Variants in ADAMTS20 observed in about 807,000 individuals in gnomAD.
ADAMTS20 encodes ADAM metallopeptidase with thrombospondin type 1 motif 20.
ADAMTS20 carries 225 observed loss-of-function variants against 260.1 expected under a neutral mutation model. The ratio of observed to expected loss-of-function variants is 0.87; its 90% confidence interval spans 0.78 to 0.97. The LOEUF is 0.97. Among genes scored for constraint, ADAMTS20 ranks in the 50% least tolerant of loss-of-function variants. ADAMTS20 has a pLI of 0.00. For synonymous variants in ADAMTS20, 802 were observed against 769.5 expected (o/e 1.04, Z -0.70); for missense variants, 2,400 against 2,337.7 (o/e 1.03, Z -0.55).
chr12:43,375,624 T>C (rs985867030), intron 35 of ADAMTS20, 112 bp from the exon 36 acceptor site: 16 of 1,205,020 alleles, frequency 1.3e-5, no homozygotes, highest in Non-Finnish European at 1.8e-5. Context: ...TATTATAGTG[T>C]CAACAAGTTA....
At chr12:43,539,306 T>C (rs1256072182) in intron 2 of ADAMTS20, among the ~76,000 whole-genome samples, 3 of 152,172 alleles carry the variant, frequency 2.0e-5, no homozygotes, top group African/African-American at 4.8e-5. Context: ...GATATAGTTA[T>C]ATGACGGTTT....
intron 28 of ADAMTS20, among the ~76,000 whole-genome samples, chr12:43,420,373 A>G (rs1941203121): frequency 6.6e-6 from 1 of 152,254 alleles, no homozygotes; most frequent in Non-Finnish European, 1.5e-5. Flanking sequence ...AGTAGAAAAC[A>G]TAATAAATGG....
rs1406248574 is a variant in ADAMTS20 at position 43,510,152 on chromosome 12, A to G, written c.614-7747T>C. 2.6e-5 allele frequency among the ~76,000 whole-genome samples: 4 copies of G among 152,128 alleles called. No individual in the cohort carries two copies. In the East Asian group the frequency reaches 7.7e-4, roughly 29 times the overall value. On this transcript the variant is annotated intron_variant, in intron 3 of 38. Transcript: ENST00000389420. ...GGATGTCCAGAATGCATTTTTAAGT[A>G]AAAATATAAATGGTGTGTGTAGTTT...
At chr12:43,527,797 T>C (rs1943163630) in intron 3 of ADAMTS20, among the ~76,000 whole-genome samples, 1 of 152,084 alleles carries the variant, frequency 6.6e-6, no homozygotes, top group Non-Finnish European at 1.5e-5. Flanking sequence ...AGGCCCACTT[T>C]TACCACTTCT....
chr12:43,377,874 C>T (rs1940265381), intron 31 of ADAMTS20, among the ~76,000 whole-genome samples: 1 of 151,966 alleles, frequency 6.6e-6, no homozygotes, highest in South Asian at 2.1e-4. Flanking sequence ...ATAGGCACAG[C>T]ATTGGAGGAA....
intron 23 of ADAMTS20, among the ~76,000 whole-genome samples, chr12:43,430,144 A>G (rs1170542133): frequency 1.9e-5 from 2 of 106,898 alleles, no homozygotes; most frequent in Non-Finnish European, 4.1e-5. Flanking sequence ...GATAAAGAGT[A>G]AAAAAAAAAA....
intron 28 of ADAMTS20, among the ~76,000 whole-genome samples, chr12:43,409,429 C>T (rs1250082905): frequency 2.7e-5 from 4 of 150,530 alleles, no homozygotes; most frequent in Admixed American, 6.6e-5. Context: ...GGTGAAACCT[C>T]GTCTCTACTA....
At position 43,375,443 on chromosome 12, in the gene ADAMTS20, G is replaced by A. The variant is rs1565670594; in HGVS notation, c.5382C>T (p.His1794=). The part of the protein sequence containing the change: ...RREDCECDNG[H]LAAGYTVFSK... ...TGAAAACAGTGTATCCAGCAGCTAAGTGTCCATTGTCACATTCACAGTCTT... is the reference window on the plus strand; with the variant it reads ...TGAAAACAGTGTATCCAGCAGCTAAATGTCCATTGTCACATTCACAGTCTT... The change falls in exon 36 of 39, where the codon CAC becomes CAT. Residue 1794 remains histidine, a synonymous_variant. Transcript: ENST00000389420. 4 of 1,613,488 alleles carry A rather than the reference G, an allele frequency of 2.5e-6. No individual in the cohort carries two copies. Among genetic ancestry groups the A allele is most frequent in the Non-Finnish European group, 3.4e-6 (4 of 1,179,520 alleles).
At chr12:43,495,945 A>T (rs12427280) in intron 4 of ADAMTS20, among the ~76,000 whole-genome samples, 31,023 of 152,064 alleles carry the variant, frequency 0.2, 3,453 homozygotes, top group South Asian at 0.33. Context: ...AACTATATTT[A>T]GATGTTTAAA....
chr12:43,420,239 T>A (rs1415818600), intron 28 of ADAMTS20, among the ~76,000 whole-genome samples: 1 of 152,220 alleles, frequency 6.6e-6, no homozygotes, highest in African/African-American at 2.4e-5. Context: ...ATTACATTCA[T>A]TGCTAAACTG....
At chr12:43,430,569 A>G in intron 22 of ADAMTS20, 98 bp from the exon 23 acceptor site, 1 of 1,143,388 alleles carries the variant, frequency 8.7e-7, no homozygotes, top group Non-Finnish European at 1.2e-6. Context: ...TATACTTTTA[A>G]TAATCTTTTT....
intron 4 of ADAMTS20, 23 bp downstream of exon 4, chr12:43,502,129 A>G: frequency 6.6e-7 from 1 of 1,515,518 alleles, no homozygotes; most frequent in East Asian, 2.4e-5. Flanking sequence ...AGGAAATATA[A>G]AAGTCATATT....
In ADAMTS20 at chr12:43,428,487, T is replaced by G; in HGVS notation, c.3699A>C (p.Leu1233Phe). ...CGHGKTTRQV[L>F]CMNYHQPIDE... The stretch of plus-strand genomic sequence containing the variant: ...CAATTGGCTGATGGTAGTTCATGCA[T>G]AAAACTTGTCGAGTTGTTTTTCCAT... The change falls in exon 26 of 39, where the codon TTA (leucine) becomes TTC (phenylalanine). Residue 1233 changes from leucine to phenylalanine, a missense_variant. Leu to Phe is a conservative substitution (Grantham distance 22). Transcript: ENST00000389420. 6.2e-7 allele frequency: 1 copy of G among 1,613,902 alleles called. No individual in the cohort carries two copies. Among genetic ancestry groups the G allele is most frequent in the Non-Finnish European group, 8.5e-7 (1 of 1,179,832 alleles).
rs548252346 is a variant in ADAMTS20 at position 43,428,337 on chromosome 12, C to T, written c.3849G>A (p.Thr1283=). 6.3e-5 allele frequency: 101 copies of T among 1,613,924 alleles called. No homozygotes were observed. The Admixed American group carries it at 1.1e-3, about 18-fold the overall frequency. The stretch of plus-strand genomic sequence containing the variant: ...CAAGTTTTTGAGTTAATGGCAAATT[C>T]GTGCTTAGATAATAGCTTGGCTGCA... ...SPVQPSYYLS[T]NLPLTQKLED... Residue 1283 remains threonine (T), a synonymous_variant, in exon 26 of 39, where the codon ACG becomes ACA. Coordinates refer to ENST00000389420, the MANE Select transcript of ADAMTS20 (RefSeq NM_025003.5).
chr12:43,376,455 CA>C, intron 33 of ADAMTS20, 68 bp downstream of exon 33: 1 of 1,519,266 alleles, frequency 6.6e-7, no homozygotes, highest in Non-Finnish European at 8.9e-7. Context: ...GAAACTACTA[CA>C]GATATTTATT....
At chr12:43,476,931 C>T (rs113448580) in intron 7 of ADAMTS20, among the ~76,000 whole-genome samples, 3 of 145,864 alleles carry the variant, frequency 2.1e-5, no homozygotes, top group African/African-American at 7.7e-5. Context: ...ACCAGCATGG[C>T]ACATGTATAC....
Position 43,453,987 on chromosome 12 carries a change from T to G in ADAMTS20, c.1680A>C (p.Gly560=). ...AACAAGAACTGTAAGGTTCCCATGG[T>G]CCCCATTCACCATTTACAGGACGTG... ...TETRPVNGEW[G]PWEPYSSCSR... is the part of the protein sequence containing the mutation. Residue 560 remains glycine (G), a synonymous_variant, in exon 12 of 39, where the codon GGA becomes GGC. Transcript: ENST00000389420. 6.2e-7 allele frequency: 1 copy of G among 1,613,730 alleles called. No individual in the cohort carries two copies. The highest frequency in any genetic ancestry group is 8.5e-7 in the Non-Finnish European group (1 of 1,179,788).
intron 4 of ADAMTS20, among the ~76,000 whole-genome samples, chr12:43,501,055 C>CTTT (rs79075751): frequency 0.016 from 1,719 of 104,756 alleles, 115 homozygotes; most frequent in African/African-American, 0.057. Flanking sequence ...CTATGTAATT[C>CTTT]TTTTTTTTTT....
chr12:43,376,750 C>T (rs993015386), intron 32 of ADAMTS20, 97 bp from the exon 33 acceptor site: 5 of 1,400,276 alleles, frequency 3.6e-6, no homozygotes, highest in Non-Finnish European at 4.8e-6. Flanking sequence ...TTCTGGAGCA[C>T]ACTGAGGGTC....
Sources: allele counts gnomAD v4.1 joint callset (sites outside exome capture counted in the v4.1 genomes callset), GRCh38; gene constraint gnomAD v4.1.1; transcripts MANE v1.5; gene names NCBI Gene and HGNC (gene_info 2026-07-23, HGNC 2026-07-21).